Variants in BDNF observed in about 807,000 individuals in gnomAD.
The protein encoded by BDNF is brain derived neurotrophic factor.
Under a neutral mutation model 19.5 loss-of-function variants are expected in BDNF, and 1 was observed. The ratio of observed to expected loss-of-function variants is 0.05; its 90% CI spans 0.02 to 0.24. BDNF has a LOEUF of 0.24. Among genes scored for constraint, BDNF ranks in the 10% least tolerant of loss-of-function variants. The pLI is 1.00. For missense variants in BDNF, 195 were observed against 317.6 expected (o/e 0.61, Z 2.93); for synonymous variants, 100 against 121.6 (o/e 0.82, Z 1.17).
chr11:27,659,117 G>GT (rs1852976858), intron 1 of BDNF: 1 of 1,004,716 alleles, frequency 1.0e-6, no homozygotes, highest in African/African-American at 1.7e-5. Flanking sequence ...TAAAACAGCA[G>GT]TTGGGGAACT....
At chr11:27,674,602 T>C (rs148532388) in intron 1 of BDNF, 2 of 985,118 alleles carry the variant, frequency 2.0e-6, no homozygotes, top group African/African-American at 3.5e-5. Context: ...AAAAGATCCA[T>C]ATGGCTGGCC....
At chr11:27,710,304 T>A (rs967713678) in intron 1 of BDNF, among the ~76,000 whole-genome samples, 1 of 152,204 alleles carries the variant, frequency 6.6e-6, no homozygotes, top group African/African-American at 2.4e-5. Flanking sequence ...AAACCACATC[T>A]TTCTAGGAGG....
chr11:27,720,789 G>T (rs1378269050), intron 1 of BDNF: 2 of 987,438 alleles, frequency 2.0e-6, no homozygotes, highest in African/African-American at 1.7e-5. Flanking sequence ...TGCTCTAGAC[G>T]GTTTCTTCCA....
At chr11:27,690,117 C>A (rs1002177894) in intron 1 of BDNF, among the ~76,000 whole-genome samples, 1 of 152,154 alleles carries the variant, frequency 6.6e-6, no homozygotes, top group African/African-American at 2.4e-5. Flanking sequence ...TAATAAAATA[C>A]TTGATAAGGC....
chr11:27,696,194 T>C (rs988373196), intron 1 of BDNF: 2 of 152,222 alleles, frequency 1.3e-5, no homozygotes, highest in South Asian at 4.1e-4. Context: ...TAAATAATTC[T>C]ATGCCTTAAG....
At chr11:27,701,599 G>A, upstream of BDNF, 4 of 986,876 alleles carry the variant, frequency 4.1e-6, no homozygotes, top group Non-Finnish European at 4.8e-6. Flanking sequence ...GCGGCAGCGA[G>A]AGCAGCCCTC....
chr11:27,690,439 T>TCACACA (rs149036227), intron 1 of BDNF, among the ~76,000 whole-genome samples: 5 of 150,058 alleles, frequency 3.3e-5, no homozygotes, highest in Non-Finnish European at 5.9e-5. Context: ...TTTTTGAGAT[T>TCACACA]CACACACACA....
rs888150804 is a variant in BDNF at position 27,655,192 on chromosome 11, G to A, written c.*2629C>T. ...AAAAAAGCAACAGGCCTGCTGCCAT[G>A]CATGAAACACTTCTGCCACAAAGAG... On this transcript the variant is annotated 3_prime_UTR_variant, in exon 2 of 2. Transcript: ENST00000356660. 2 of 152,362 alleles carry A rather than the reference G, an allele frequency of 1.3e-5. No homozygotes were observed. The highest frequency in any genetic ancestry group is 2.9e-5 in the Non-Finnish European group (2 of 68,036). 9.4% of individuals were successfully genotyped at this position (152,362 alleles called of 1,614,324 possible). A position where few individuals can be genotyped will look rare whatever the true frequency, so the allele number is the denominator to read the frequency against.
At chr11:27,673,729 A>G (rs1590315293) in intron 1 of BDNF, among the ~76,000 whole-genome samples, 1 of 152,170 alleles carries the variant, frequency 6.6e-6, no homozygotes. Context: ...AGCAATTTCC[A>G]TTATAGAAAG....
intron 1 of BDNF, among the ~76,000 whole-genome samples, chr11:27,681,374 A>T (rs913923019): frequency 6.6e-6 from 1 of 152,184 alleles, no homozygotes; most frequent in African/African-American, 2.4e-5. Context: ...CATCATATCT[A>T]CAACTTCCAG....
At chr11:27,671,280 C>T (rs1855337631) in intron 1 of BDNF, among the ~76,000 whole-genome samples, 1 of 150,832 alleles carries the variant, frequency 6.6e-6, no homozygotes, top group Non-Finnish European at 1.5e-5. Flanking sequence ...AGGTTGTGCA[C>T]ATGTACCCTA....
At chr11:27,710,710 G>T (rs942200292) in intron 1 of BDNF, among the ~76,000 whole-genome samples, 2 of 152,190 alleles carry the variant, frequency 1.3e-5, no homozygotes, top group Admixed American at 1.3e-4. Context: ...TTTGGAGAGG[G>T]TGTTCCTCAT....
At position 27,658,385 on chromosome 11, in the gene BDNF, A is replaced by G; in HGVS notation, c.180T>C (p.Ala60=). The G allele has an allele frequency of 6.2e-7, 1 of 1,614,190 alleles. No homozygotes were observed. Among genetic ancestry groups the G allele is most frequent in the Non-Finnish European group, 8.5e-7 (1 of 1,180,022 alleles). Residue 60 remains alanine (A), a synonymous_variant, in exon 2 of 2, where the codon GCT becomes GCC. Coordinates refer to ENST00000356660, the MANE Select transcript of BDNF (RefSeq NM_001709.5). The surrounding 1 kb of genome is among the most constrained non-coding windows in gnomAD (Gnocchi z 5.7). ...CTTCTATCACGTGTTCGAAAGTGTCAGCCAATGATGTCAAGCCTCTTGAAC... is the reference window on the plus strand; with the variant it reads ...CTTCTATCACGTGTTCGAAAGTGTCGGCCAATGATGTCAAGCCTCTTGAAC... ...KAGSRGLTSL[A]DTFEHVIEEL... is the part of the protein sequence containing the mutation.
At chr11:27,662,041 C>T (rs542798276) in intron 1 of BDNF, among the ~76,000 whole-genome samples, 3 of 152,170 alleles carry the variant, frequency 2.0e-5, no homozygotes, top group South Asian at 2.1e-4. Flanking sequence ...CTTGCTCTGT[C>T]GCCCAGGCTG....
At chr11:27,663,722 T>C (rs1415837996) in intron 1 of BDNF, among the ~76,000 whole-genome samples, 1 of 152,200 alleles carries the variant, frequency 6.6e-6, no homozygotes, top group Non-Finnish European at 1.5e-5. Context: ...TTGCCAGTTT[T>C]AGAATATCAG....
chr11:27,686,059 C>T (rs1857439014), intron 1 of BDNF, among the ~76,000 whole-genome samples: 1 of 152,144 alleles, frequency 6.6e-6, no homozygotes, highest in Non-Finnish European at 1.5e-5. Flanking sequence ...TAAGAACTTG[C>T]TTTATGAATC....
At chr11:27,686,261 C>T (rs1446093031) in intron 1 of BDNF, among the ~76,000 whole-genome samples, 6 of 152,098 alleles carry the variant, frequency 3.9e-5, no homozygotes, top group Admixed American at 2.0e-4. Flanking sequence ...AGATCTTCCT[C>T]CATCCCTTTA....
intron 1 of BDNF, among the ~76,000 whole-genome samples, chr11:27,687,072 A>G (rs1857580300): frequency 6.6e-6 from 1 of 152,152 alleles, no homozygotes; most frequent in Non-Finnish European, 1.5e-5. Context: ...CTTTTCACAT[A>G]GTCCCACATT....
At position 27,658,478 on chromosome 11, in the gene BDNF, T is replaced by TTGTCCTCGG; in HGVS notation, c.78_86dup (p.Gly28_Gln29insHisArgGly). On this transcript the variant is annotated inframe_insertion, in exon 2 of 2. Coordinates refer to ENST00000356660, the MANE Select transcript of BDNF (RefSeq NM_001709.5). This position sits in a 1 kb window ranked among gnomAD's most constrained non-coding sequence, Gnocchi z 5.7. ...GCACACCTGGGTAGGCCAAGCCACCTTGTCCTCGGATGTTTGCTTCTTTCA... is the reference window on the plus strand; with the variant it reads ...GCACACCTGGGTAGGCCAAGCCACCTTGTCCTCGGTGTCCTCGGATGTTTGCTTCTTTCA... 2 of 1,614,136 alleles carry TTGTCCTCGG rather than the reference T, an allele frequency of 1.2e-6. No individual in the cohort carries two copies. Among genetic ancestry groups the TTGTCCTCGG allele is most frequent in the East Asian group, 4.5e-5 (2 of 44,880 alleles).
Sources: allele counts gnomAD v4.1 joint callset (sites outside exome capture counted in the v4.1 genomes callset), GRCh38; gene constraint gnomAD v4.1.1; non-coding constraint Gnocchi (gnomAD v3.1); transcripts MANE v1.5; gene names NCBI Gene and HGNC (gene_info 2026-07-23, HGNC 2026-07-21).